Variants in DDHD2 observed in about 807,000 individuals in gnomAD.
The protein encoded by DDHD2 is DDHD domain containing 2.
Under a neutral mutation model 91.2 loss-of-function variants are expected in DDHD2, and 62 were observed. The observed-to-expected ratio is 0.68, with a 90% CI of 0.55 to 0.84. The LOEUF (loss-of-function observed/expected upper bound fraction) is 0.84. Ranked by LOEUF, DDHD2 falls within the 40% of genes least tolerant of loss-of-function variation. The pLI is 0.00. For synonymous variants in DDHD2, 271 were observed against 293.9 expected, an observed-to-expected ratio of 0.92 and a Z score of 0.80; for missense variants, 740 against 846.9, an observed-to-expected ratio of 0.87 and a Z score of 1.57.
rs1427209696 is a variant in DDHD2, at chr8:38,231,841, G to A, written c.-27G>A. On this transcript the variant is annotated 5_prime_UTR_variant, in exon 1 of 18. Coordinates refer to ENST00000397166, the MANE Select transcript of DDHD2 (RefSeq NM_015214.3). The stretch of plus-strand genomic sequence containing the variant: ...CCTCAGGGAGGGCAGGAGAGCCTGA[G>A]GAGTGGCGGGGCCGCCAGGTGAGAC... 1.3e-5 allele frequency: 2 copies of A among 153,188 alleles called. No individual in the cohort carries two copies. The highest frequency in any genetic ancestry group is 2.9e-5 in the Non-Finnish European group (2 of 68,834). 9.5% of individuals were successfully genotyped at this position (153,188 alleles called of 1,614,324 possible). A position where few individuals can be genotyped will look rare whatever the true frequency, so the allele number is the denominator to read the frequency against.
chr8:38,242,367 A>G lies in DDHD2; in HGVS notation c.830A>G (p.His277Arg). ...CCAGTCAACTGGCACAGTCCTTTGC[A>G]TTCTACTGGTGTGGATGTGTGAGTA... ...FLPVNWHSPL[H>R]STGVDVDLQR... Residue 277 changes from histidine to arginine, a missense_variant, in exon 7 of 18, where the codon CAT becomes CGT. Transcript: ENST00000397166. The G allele has an allele frequency of 6.2e-7, 1 of 1,610,876 alleles. No homozygotes were observed. Among genetic ancestry groups the G allele is most frequent in the Non-Finnish European group, 8.5e-7 (1 of 1,179,122 alleles).
intron 4 of DDHD2, 146 bp from the exon 5 acceptor site, chr8:38,237,942 AT>A (rs1384754533): frequency 4.0e-6 from 3 of 741,806 alleles, no homozygotes; most frequent in Non-Finnish European, 6.3e-6. Context: ...CACGGTTCTC[AT>A]TTCAAGCCAT....
In DDHD2 at chr8:38,247,737, C is replaced by A; in HGVS notation, c.1150C>A (p.Gln384Lys). ...EKDSLNIVMDQGDTPTLEEDL... is the reference protein window; with the variant it reads ...EKDSLNIVMDKGDTPTLEEDL... ...GGATTCGCTAAATATTGTAATGGAT[C>A]AAGGAGATACACCTACACTAGAGGA... The change falls in exon 10 of 18, where the codon CAA becomes AAA. Residue 384 changes from glutamine to lysine, a missense_variant. Coordinates refer to ENST00000397166, the MANE Select transcript of DDHD2 (RefSeq NM_015214.3). The A allele has an allele frequency of 6.5e-7, 1 of 1,540,612 alleles. No individual in the cohort carries two copies. Among genetic ancestry groups the A allele is most frequent in the South Asian group, 1.2e-5 (1 of 82,042 alleles).
At chr8:38,233,254 C>G in intron 2 of DDHD2, 40 bp downstream of exon 2, 1 of 1,502,988 alleles carries the variant, frequency 6.7e-7, no homozygotes, top group Non-Finnish European at 9.2e-7. Flanking sequence ...AAAGACTCTC[C>G]CCTCTTCAAA....
rs751272138 is a variant in DDHD2, at chr8:38,247,818, G to A, written c.1231G>A (p.Val411Ile). 7 of 1,567,704 alleles carry A rather than the reference G, an allele frequency of 4.5e-6. No individual in the cohort carries two copies. The highest frequency in any genetic ancestry group is 6.0e-6 in the Non-Finnish European group (7 of 1,163,910). ...CTTTGATATCTTTGAGAAGGAGAAA[G>A]TAGATAAGGAAGCTCTGGTAAAAAT... ...EFFDIFEKEKVDKEALALCTD... is the reference protein window; with the variant it reads ...EFFDIFEKEKIDKEALALCTD... Residue 411 changes from valine (V) to isoleucine (I), a missense_variant, in exon 10 of 18, where the codon GTA becomes ATA. Val to Ile is a conservative substitution (Grantham distance 29). This residue lies in a region of DDHD2 where 693 missense variants were observed against 764.2 expected (regional missense o/e 0.91). Transcript: ENST00000397166.
intron 5 of DDHD2, among the ~76,000 whole-genome samples, chr8:38,239,407 A>T (rs1260886246): frequency 1.3e-5 from 2 of 150,600 alleles, no homozygotes; most frequent in East Asian, 2.0e-4. Context: ...TAAAACCTGA[A>T]AAAAGGCCAA....
intron 16 of DDHD2, among the ~76,000 whole-genome samples, chr8:38,253,947 G>A (rs1180966075): frequency 6.6e-6 from 1 of 151,950 alleles, no homozygotes; most frequent in Non-Finnish European, 1.5e-5. Flanking sequence ...GTGGTGGTAT[G>A]CGCTTATAGT....
chr8:38,264,881 CT>C, downstream of DDHD2: 2 of 1,611,746 alleles, frequency 1.2e-6, no homozygotes, highest in Non-Finnish European at 1.7e-6. Flanking sequence ...TAGAATTTTT[CT>C]AACTCAGAAG....
At chr8:38,267,140 A>G, downstream of DDHD2, 6 of 1,560,180 alleles carry the variant, frequency 3.8e-6, no homozygotes, top group Admixed American at 9.5e-5. Flanking sequence ...TGGAGTTACT[A>G]AAGAAGGGGG....
intron 15 of DDHD2, 21 bp from the exon 16 acceptor site, chr8:38,253,535 T>C: frequency 2.5e-6 from 4 of 1,603,144 alleles, no homozygotes; most frequent in East Asian, 2.2e-5. Flanking sequence ...TAGATTCTTA[T>C]TATGGTTCTT....
chr8:38,231,635 G>C lies in DDHD2; in HGVS notation c.-233G>C, dbSNP rs1804251202. The C allele has an allele frequency of 6.6e-6, 1 of 152,186 alleles. No homozygotes were observed. Among genetic ancestry groups the C allele is most frequent in the African/African-American group, 2.4e-5 (1 of 41,426 alleles). 9.4% of individuals were successfully genotyped at this position (152,186 alleles called of 1,614,324 possible). ...GGCCCTGCACGCCCCACCCGCGGTC[G>C]CGCGCCGCGCTCCCCGCCGCCTCAC... On this transcript the variant is annotated 5_prime_UTR_variant, in exon 1 of 18. Transcript: ENST00000397166.
chr8:38,238,471 G>A (rs1804979871), intron 5 of DDHD2: 1 of 1,158,986 alleles, frequency 8.6e-7, no homozygotes, highest in African/African-American at 1.6e-5. Flanking sequence ...AACTGATTTA[G>A]TCCTAATTCC....
chr8:38,238,008 T>C, intron 4 of DDHD2, 81 bp from the exon 5 acceptor site: 1 of 1,386,466 alleles, frequency 7.2e-7, no homozygotes, highest in Middle Eastern at 1.9e-4. Flanking sequence ...TTGAAAGACA[T>C]GATTCTACAC....
intron 3 of DDHD2, 125 bp from the exon 4 acceptor site, chr8:38,237,409 AAAAT>A: frequency 1.8e-6 from 1 of 542,732 alleles, no homozygotes. Flanking sequence ...AAAAGATTTA[AAAAT>A]AAATTTGATA....
chr8:38,251,814 T>A (rs1806131001), intron 11 of DDHD2, 98 bp from the exon 12 acceptor site: 4 of 792,950 alleles, frequency 5.0e-6, no homozygotes, highest in Non-Finnish European at 2.1e-6. Context: ...GCTTAAACAA[T>A]CCTACCTACC....
chr8:38,267,346 G>T, downstream of DDHD2: 2 of 1,613,942 alleles, frequency 1.2e-6, no homozygotes, highest in Non-Finnish European at 1.7e-6. Flanking sequence ...AGTCAGAATG[G>T]GCTAGCCCAT....
At chr8:38,247,930 C>T (rs1488030800) in intron 10 of DDHD2, 95 bp downstream of exon 10, 10 of 920,534 alleles carry the variant, frequency 1.1e-5, no homozygotes, top group Non-Finnish European at 1.6e-5. Context: ...ACTTTTTAGT[C>T]ATAAATACTT....
rs1563306048 is a variant in DDHD2, at chr8:38,245,823, C to CA, written c.932dup (p.Asn311LysfsTer2). ...ACACAATTCTGGATGTCTTCTTCTA[C>CA]AATAGTCCCACCTACTGTCAGACTA... On this transcript the variant is annotated frameshift_variant, in exon 8 of 18. Transcript: ENST00000397166. LOFTEE classifies it high-confidence loss of function. The CA allele has an allele frequency of 6.2e-7, 1 of 1,614,178 alleles. No homozygotes were observed. The highest frequency in any genetic ancestry group is 8.5e-7 in the Non-Finnish European group (1 of 1,180,018).
In DDHD2 at chr8:38,237,197, C is replaced by T. The variant is rs373990351; in HGVS notation, c.412-341C>T. ...TTGAGACCAGCCTAGCCATTATGGC[C>T]AAACCCCGTATCTACTAAAACTACA... On this transcript the variant is annotated intron_variant, in intron 3 of 17. Coordinates refer to ENST00000397166, the MANE Select transcript of DDHD2 (RefSeq NM_015214.3). Among the ~76,000 whole-genome samples the T allele has an allele frequency of 1.1e-3, 170 of 151,886 alleles. 1 individual carries two copies. The highest frequency in any genetic ancestry group is 3.8e-3 in the African/African-American group (157 of 41,446).
Sources: gnomAD v4.1 joint callset for allele counts (sites outside exome capture counted in the v4.1 genomes callset) on GRCh38, gnomAD v4.1.1 for gene constraint, gnomAD v4.1.1 regional missense constraint, MANE v1.5 for transcripts, NCBI Gene and HGNC (gene_info 2026-07-23, HGNC 2026-07-21) for gene names.